Variants in KIAA1217 observed in about 807,000 individuals in gnomAD.
The protein encoded by KIAA1217 is sickle tail protein homolog.
A neutral mutation model predicts 163.9 loss-of-function variants in KIAA1217; 88 were observed. The observed-to-expected ratio is 0.54, with a 90% CI of 0.45 to 0.64. The LOEUF (loss-of-function observed/expected upper bound fraction) is 0.64, where lower values mean the gene tolerates loss of function less well. Among genes scored for constraint, KIAA1217 ranks in the 30% least tolerant of loss-of-function variants. KIAA1217 has a pLI of 0.00. For synonymous variants in KIAA1217, 903 were observed against 923.1 expected (o/e 0.98, Z 0.39); for missense variants, 2,372 against 2,475.0 (o/e 0.96, Z 0.88).
intron 5 of KIAA1217, among the ~76,000 whole-genome samples, chr10:24,460,432 G>A (rs2062278662): frequency 1.3e-5 from 2 of 152,086 alleles, no homozygotes; most frequent in South Asian, 4.2e-4. Context: ...GGAAGAATGG[G>A]CATGAGGGCT....
chr10:24,159,247 T>G (rs2065010403), intron 2 of KIAA1217, among the ~76,000 whole-genome samples: 1 of 152,186 alleles, frequency 6.6e-6, no homozygotes. Flanking sequence ...TTTGTATATG[T>G]CCTGTCACAG....
At chr10:24,211,895 A>C (rs2068173769) in intron 1 of KIAA1217, among the ~76,000 whole-genome samples, 2 of 151,880 alleles carry the variant, frequency 1.3e-5, no homozygotes, top group African/African-American at 4.8e-5. Context: ...CTCTAGAAAA[A>C]AAAATTTAGC....
chr10:23,935,861 C>T (rs937328666), intron 1 of KIAA1217, among the ~76,000 whole-genome samples: 14 of 152,202 alleles, frequency 9.2e-5, no homozygotes, highest in African/African-American at 3.4e-4. Flanking sequence ...CTGAAGCCCA[C>T]CTAATGGTGG....
At chr10:24,077,025 C>G (rs1478663934) in intron 2 of KIAA1217, among the ~76,000 whole-genome samples, 1 of 151,914 alleles carries the variant, frequency 6.6e-6, no homozygotes, top group African/African-American at 2.4e-5. Context: ...TACAGGCATG[C>G]ACCACCATGC....
intron 2 of KIAA1217, among the ~76,000 whole-genome samples, chr10:24,306,577 A>T (rs971903023): frequency 1.3e-5 from 2 of 152,216 alleles, no homozygotes; most frequent in Non-Finnish European, 2.9e-5. Context: ...ACTTGCGGGC[A>T]GCTGTCTTTC....
At chr10:24,199,852 T>C (rs1483844778) in intron 2 of KIAA1217, among the ~76,000 whole-genome samples, 2 of 151,546 alleles carry the variant, frequency 1.3e-5, no homozygotes, top group Non-Finnish European at 3.0e-5. Context: ...AACCTTGGGT[T>C]ATTATTTATA....
chr10:23,908,880 T>A (rs1049491699), intron 1 of KIAA1217, among the ~76,000 whole-genome samples: 3 of 152,128 alleles, frequency 2.0e-5, no homozygotes, highest in Non-Finnish European at 4.4e-5. Context: ...AGCAATCCCG[T>A]TACTGGGTGT....
chr10:24,496,839 A>C (rs1453473352), intron 8 of KIAA1217, among the ~76,000 whole-genome samples: 1 of 152,218 alleles, frequency 6.6e-6, no homozygotes, highest in Admixed American at 6.5e-5. Flanking sequence ...TTCTTTTCAA[A>C]TGTGGGGAAA....
At chr10:23,701,094 G>A (rs755462083) in intron 1 of KIAA1217, among the ~76,000 whole-genome samples, 21 of 152,186 alleles carry the variant, frequency 1.4e-4, no homozygotes, top group African/African-American at 4.3e-4. Flanking sequence ...TTAGCACAGC[G>A]TCTGGCACTT....
intron 1 of KIAA1217, among the ~76,000 whole-genome samples, chr10:23,873,065 G>C (rs993683914): frequency 6.6e-6 from 1 of 152,016 alleles, no homozygotes; most frequent in Non-Finnish European, 1.5e-5. Flanking sequence ...CTGGCTAGAG[G>C]TTATGTAAAA....
rs371070503 is a variant in KIAA1217 at position 24,021,166 on chromosome 10, AT to A, written c.-171+13797del. On this transcript the variant is annotated intron_variant, in intron 2 of 18. Transcript: ENST00000376462. Reference sequence around the variant, plus strand: ...AAATCTCAATAGATAAGTAGAAATTATTTTTAAATAATCAATTATGTATGTA... The same window carrying A: ...AAATCTCAATAGATAAGTAGAAATTATTTTAAATAATCAATTATGTATGTA... 1.8e-3 allele frequency among the ~76,000 whole-genome samples: 268 copies of A among 152,078 alleles called. 2 individuals carry two copies. The East Asian group carries it at 0.024, about 13-fold the overall frequency.
intron 1 of KIAA1217, among the ~76,000 whole-genome samples, chr10:24,000,290 A>T (rs534098098): frequency 2.6e-5 from 4 of 152,316 alleles, no homozygotes; most frequent in Admixed American, 2.6e-4. Context: ...GAGGTAATTG[A>T]ATCATGGGGG....
At chr10:23,714,742 A>G (rs775390832) in intron 1 of KIAA1217, among the ~76,000 whole-genome samples, 2 of 152,084 alleles carry the variant, frequency 1.3e-5, no homozygotes, top group African/African-American at 2.4e-5. Flanking sequence ...CCCAAATACA[A>G]AAGGAGCTGA....
intron 2 of KIAA1217, among the ~76,000 whole-genome samples, chr10:24,295,412 A>G (rs1590702601): frequency 6.6e-6 from 1 of 152,184 alleles, no homozygotes; most frequent in Non-Finnish European, 1.5e-5. Context: ...GTTTCTTATC[A>G]AAGATTTATG....
At chr10:23,975,137 G>T (rs1001237043) in intron 1 of KIAA1217, among the ~76,000 whole-genome samples, 4 of 152,084 alleles carry the variant, frequency 2.6e-5, no homozygotes, top group African/African-American at 9.7e-5. Flanking sequence ...TTTTTACATG[G>T]GAAATGTGTA....
intron 2 of KIAA1217, among the ~76,000 whole-genome samples, chr10:24,294,187 C>CAAAAAAAAAAA (rs371110913): frequency 1.8e-5 from 1 of 55,110 alleles, no homozygotes; most frequent in Non-Finnish European, 2.9e-5. Flanking sequence ...GACTCCGTCT[C>CAAAAAAAAAAA]AAAAAAAAAA....
At chr10:23,724,373 G>A (rs566117490) in intron 1 of KIAA1217, among the ~76,000 whole-genome samples, 2 of 152,018 alleles carry the variant, frequency 1.3e-5, no homozygotes, top group South Asian at 2.1e-4. Flanking sequence ...TGTTATTTCT[G>A]TATATATTTT....
At chr10:23,899,384 T>A (rs1442570858) in intron 1 of KIAA1217, among the ~76,000 whole-genome samples, 1 of 152,118 alleles carries the variant, frequency 6.6e-6, no homozygotes, top group Non-Finnish European at 1.5e-5. Context: ...AGTATCTCAT[T>A]GTGGTTTTAA....
intron 1 of KIAA1217, among the ~76,000 whole-genome samples, chr10:23,812,455 T>C (rs1837112256): frequency 1.3e-5 from 2 of 152,222 alleles, no homozygotes; most frequent in Admixed American, 6.5e-5. Flanking sequence ...ATAGGGTTAA[T>C]AGATGAAATA....
Sources: allele counts gnomAD v4.1 joint callset (sites outside exome capture counted in the v4.1 genomes callset), GRCh38; gene constraint gnomAD v4.1.1; transcripts MANE v1.5; gene names NCBI Gene and HGNC (gene_info 2026-07-23, HGNC 2026-07-21).